Variants in PRKD3 observed in about 807,000 individuals in gnomAD.
PRKD3 encodes the protein protein kinase D3, also known as serine/threonine-protein kinase D3.
In PRKD3, 47 loss-of-function variants were observed where a neutral mutation model predicts 99.2. That is an observed-to-expected ratio of 0.47 (90% confidence interval 0.38 to 0.60). The LOEUF (loss-of-function observed/expected upper bound fraction) is 0.60. Among genes scored for constraint, PRKD3 ranks in the 20% least tolerant of loss-of-function variants. The pLI, the probability that PRKD3 is intolerant of heterozygous loss-of-function variation, is 0.00. For synonymous variants in PRKD3, 392 were observed against 355.4 expected, an observed-to-expected ratio of 1.10 and a Z score of -1.16; for missense variants, 1,019 against 1,088.4, an observed-to-expected ratio of 0.94 and a Z score of 0.90.
At chr2:37,289,649 A>G (rs1240915607) in intron 4 of PRKD3, 136 bp from the exon 5 acceptor site, 2 of 684,536 alleles carry the variant, frequency 2.9e-6, no homozygotes, top group Non-Finnish European at 4.6e-6. Context: ...GAACCCAGAC[A>G]GCAGGCTAAG....
chr2:37,291,990 A>C (rs1572675605), intron 3 of PRKD3, among the ~76,000 whole-genome samples: 1 of 152,324 alleles, frequency 6.6e-6, no homozygotes, highest in African/African-American at 2.4e-5. Context: ...AGTGGGAATT[A>C]AAAAACAACG....
At chr2:37,286,093 G>A in intron 6 of PRKD3, 84 bp downstream of exon 6, 3 of 1,136,760 alleles carry the variant, frequency 2.6e-6, no homozygotes, top group Non-Finnish European at 3.6e-6. Context: ...TTTGGCTAAT[G>A]CTTCTGAAAT....
At chr2:37,320,308 T>C (rs987525082) in intron 1 of PRKD3, among the ~76,000 whole-genome samples, 16 of 152,138 alleles carry the variant, frequency 1.1e-4, no homozygotes, top group African/African-American at 2.9e-4. Context: ...TGGAACAGGT[T>C]GTCTCACGAG....
chr2:37,252,147 CACT>C lies in PRKD3; in HGVS notation c.*1027_*1029del, dbSNP rs1667550801. ...CTGCTTAAAATAATTGACTTTAAAA[CACT>C]CCAGATATCTGCAAAGCCCAATAGG... On this transcript the variant is annotated 3_prime_UTR_variant, in exon 19 of 19. Coordinates refer to ENST00000234179, the MANE Select transcript of PRKD3 (RefSeq NM_005813.6). 6.6e-6 allele frequency: 1 copy of C among 152,148 alleles called. No individual in the cohort carries two copies. Among genetic ancestry groups the C allele is most frequent in the Non-Finnish European group, 1.5e-5 (1 of 68,032 alleles). 9.4% of individuals were successfully genotyped at this position (152,148 alleles called of 1,614,324 possible). A position where few individuals can be genotyped will look rare whatever the true frequency, so the allele number is the denominator to read the frequency against.
intron 13 of PRKD3, 171 bp from the exon 14 acceptor site, chr2:37,267,707 C>T: frequency 1.8e-6 from 1 of 563,272 alleles, no homozygotes; most frequent in South Asian, 2.4e-5. Flanking sequence ...AATTGTTTTC[C>T]CCTCCATACA....
chr2:37,279,864 C>T lies in PRKD3; in HGVS notation c.1054G>A (p.Asp352Asn). 1.2e-6 allele frequency: 2 copies of T among 1,613,126 alleles called. No homozygotes were observed. Among genetic ancestry groups the T allele is most frequent in the Non-Finnish European group, 1.7e-6 (2 of 1,179,260 alleles). ...MDIDNNDINS[D>N]SSRGLDDTEE... Reference sequence around the variant, plus strand: ...GTGTCATCCAAACCCCGACTACTATCACTATTTATGTCATTATTGTCAATA... The same window carrying T: ...GTGTCATCCAAACCCCGACTACTATTACTATTTATGTCATTATTGTCAATA... Residue 352 changes from aspartate to asparagine, a missense_variant, in exon 8 of 19, where the codon GAT (aspartate) becomes AAT (asparagine). By Grantham distance (23) the Asp-to-Asn change is conservative. This residue lies in a region of PRKD3 where 710 missense variants were observed against 692.7 expected (regional missense o/e 1.02). Coordinates refer to ENST00000234179, the MANE Select transcript of PRKD3 (RefSeq NM_005813.6).
intron 13 of PRKD3, chr2:37,268,638 T>C (rs1669006986): frequency 4.2e-6 from 1 of 237,132 alleles, no homozygotes. Flanking sequence ...GGACAAGAAA[T>C]TTCCACAGAG....
intron 2 of PRKD3, among the ~76,000 whole-genome samples, chr2:37,303,319 C>G (rs552290395): frequency 6.6e-6 from 1 of 152,234 alleles, no homozygotes; most frequent in Admixed American, 6.5e-5. Context: ...GCACTGGAGA[C>G]CCAACAAGTG....
intron 5 of PRKD3, among the ~76,000 whole-genome samples, chr2:37,287,246 AAAAAAAAAAAAAAAAAAAAAAG>A (rs2124823531): frequency 1.2e-5 from 1 of 83,236 alleles, no homozygotes; most frequent in Non-Finnish European, 3.1e-5. Flanking sequence ...AAAAAAAAAA[AAAAAAAAAAAAAAAAAAAAAAG>A]AAAAAGAAAA....
rs769289334 is a variant in PRKD3 at position 37,267,536 on chromosome 2, C to T, written c.1778G>A (p.Gly593Glu). Residue 593 changes from glycine (G) to glutamate (E), a missense_variant and splice_region_variant, in exon 14 of 19, where the codon GGA becomes GAA. Physicochemically the swap from Gly to Glu is moderately conservative, Grantham distance 98. This residue lies in a region of PRKD3 where 184 missense variants were observed against 275.1 expected (regional missense o/e 0.67). Transcript: ENST00000234179. ...ATCCCTCCCAGTCTTTCTATGTTTT[C>T]CTATTAAGAAAAAAAGAAGAGGAAC... ...GSGQFGIVYG[G>E]KHRKTGRDVA... 1 of 1,593,558 alleles carries T rather than the reference C, an allele frequency of 6.3e-7. No homozygotes were observed.
chr2:37,265,864 GTTA>G (rs1231605355), intron 14 of PRKD3, among the ~76,000 whole-genome samples: 3 of 152,116 alleles, frequency 2.0e-5, no homozygotes, highest in Non-Finnish European at 4.4e-5. Context: ...CCTAAATTTA[GTTA>G]TTATGATCCA....
At chr2:37,256,631 T>A (rs745513406) in intron 17 of PRKD3, 31 bp downstream of exon 17, 6,226 of 80,910 alleles carry the variant, frequency 0.077, 109 homozygotes, top group African/African-American at 0.29. Context: ...AGCCAAAATT[T>A]TTTTTTTTTT....
chr2:37,301,369 T>G (rs1445383259), intron 2 of PRKD3, among the ~76,000 whole-genome samples: 1 of 152,094 alleles, frequency 6.6e-6, no homozygotes, highest in Non-Finnish European at 1.5e-5. Context: ...AAGAGCCTTT[T>G]TTTTTTCTTT....
chr2:37,312,630 G>C (rs1483408284), intron 2 of PRKD3, among the ~76,000 whole-genome samples: 1 of 152,144 alleles, frequency 6.6e-6, no homozygotes, highest in Non-Finnish European at 1.5e-5. Context: ...AAGCAGTCTA[G>C]TGTTCTCAAG....
intron 12 of PRKD3, among the ~76,000 whole-genome samples, chr2:37,271,738 T>G (rs186714961): frequency 3.9e-5 from 6 of 152,282 alleles, no homozygotes; most frequent in Non-Finnish European, 7.4e-5. Context: ...CACGGTTCAT[T>G]CCGAAACCAT....
rs566199264 is a variant in PRKD3, at chr2:37,294,032, G to C, written c.289-761C>G. Reference sequence around the variant, plus strand: ...TGTTTTAGGTGCAAACACTAACCTAGTTTCATCTCATTTTCTGACCTTAAT... The same window carrying C: ...TGTTTTAGGTGCAAACACTAACCTACTTTCATCTCATTTTCTGACCTTAAT... On this transcript the variant is annotated intron_variant, in intron 2 of 18. Coordinates refer to ENST00000234179, the MANE Select transcript of PRKD3 (RefSeq NM_005813.6). Among the ~76,000 whole-genome samples, 8 of 152,286 alleles carry C rather than the reference G, an allele frequency of 5.3e-5. No individual in the cohort carries two copies. In the East Asian group the frequency reaches 1.5e-3, roughly 29 times the overall value.
At chr2:37,322,224 T>C (rs1483711613) in intron 1 of PRKD3, among the ~76,000 whole-genome samples, 2 of 152,240 alleles carry the variant, frequency 1.3e-5, no homozygotes, top group African/African-American at 4.8e-5. Context: ...TGCTTAGTAA[T>C]TGTTCTTGCT....
intron 2 of PRKD3, among the ~76,000 whole-genome samples, chr2:37,305,112 AAAC>A (rs1671100486): frequency 6.6e-6 from 1 of 152,230 alleles, no homozygotes; most frequent in African/African-American, 2.4e-5. Context: ...ATAGAAAAAA[AAAC>A]AACATAGAAT....
Position 37,267,451 on chromosome 2 carries a change from A to G in PRKD3, c.1863T>C (p.Arg621=). 1 of 1,604,410 alleles carries G rather than the reference A, an allele frequency of 6.2e-7. No homozygotes were observed. The highest frequency in any genetic ancestry group is 8.5e-7 in the Non-Finnish European group (1 of 1,173,430). The change falls in exon 14 of 19, where the codon CGT becomes CGC. Residue 621 remains arginine, a synonymous_variant. Coordinates refer to ENST00000234179, the MANE Select transcript of PRKD3 (RefSeq NM_005813.6). ...RFPTKQESQL[R]NEVAILQNLH... ...TTACCTGTAAAATAGCCACTTCATT[A>G]CGGAGTTGACTTTCTTGTTTTGTGG... is the stretch of plus-strand genomic sequence containing the variant.
Sources: allele counts gnomAD v4.1 joint callset (sites outside exome capture counted in the v4.1 genomes callset), GRCh38; gene constraint gnomAD v4.1.1; regional missense constraint gnomAD v4.1.1; transcripts MANE v1.5; gene names NCBI Gene and HGNC (gene_info 2026-07-23, HGNC 2026-07-21).